The following UCHL3 variants were observed in gnomAD, a reference collection of about 807,000 sequenced individuals.
The protein encoded by UCHL3 is ubiquitin C-terminal hydrolase L3, also known as ubiquitin carboxyl-terminal hydrolase isozyme L3.
In UCHL3, 22 loss-of-function variants were observed where a neutral mutation model predicts 35.8. The ratio of observed to expected loss-of-function variants is 0.61; its 90% CI spans 0.44 to 0.88. UCHL3 has a LOEUF of 0.88. Ranked by LOEUF, UCHL3 falls within the 40% of genes least tolerant of loss-of-function variation. The probability of loss-of-function intolerance (pLI) is 0.00; values close to 1 mark genes in which losing one functional copy is unlikely to be tolerated. For missense variants in UCHL3, 229 were observed against 276.9 expected, an observed-to-expected ratio of 0.83 and a Z score of 1.23; for synonymous variants, 90 against 92.8, an observed-to-expected ratio of 0.97 and a Z score of 0.17.
At chr13:75,550,737 C>T (rs867299770) in intron 2 of UCHL3, among the ~76,000 whole-genome samples, 1,153 of 89,166 alleles carry the variant, frequency 0.013, 9 homozygotes, top group Middle Eastern at 0.032. Context: ...TTTTTTTTTT[C>T]ATTCTCAACA....
At chr13:75,594,886 A>G in intron 6 of UCHL3, 29 bp from the exon 7 acceptor site, 2 of 1,556,478 alleles carry the variant, frequency 1.3e-6, no homozygotes, top group Non-Finnish European at 8.8e-7. Context: ...ACTAATGTAT[A>G]TAATACCTAT....
intron 6 of UCHL3, among the ~76,000 whole-genome samples, chr13:75,576,510 A>C (rs2032029180): frequency 6.6e-6 from 1 of 151,478 alleles, no homozygotes; most frequent in Non-Finnish European, 1.5e-5. Flanking sequence ...GCGTGCCACC[A>C]CACCCAGCTA....
At chr13:75,585,211 C>T (rs927131937) in intron 6 of UCHL3, among the ~76,000 whole-genome samples, 3 of 152,068 alleles carry the variant, frequency 2.0e-5, no homozygotes, top group Non-Finnish European at 4.4e-5. Context: ...CTCCAAAAAA[C>T]AAACACACAT....
intron 7 of UCHL3, among the ~76,000 whole-genome samples, chr13:75,601,615 T>C (rs531584727): frequency 1.7e-4 from 26 of 152,308 alleles, no homozygotes; most frequent in East Asian, 7.7e-4. Flanking sequence ...GTATACCTAA[T>C]AGACTACAGA....
chr13:75,560,724 G>GC, intron 2 of UCHL3, 29 bp from the exon 3 acceptor site: 1 of 1,413,562 alleles, frequency 7.1e-7, no homozygotes, highest in African/African-American at 1.5e-5. Flanking sequence ...ATGTTCCATT[G>GC]TTTTTTTTTT....
intron 6 of UCHL3, among the ~76,000 whole-genome samples, chr13:75,588,417 G>C (rs1199710621): frequency 6.6e-6 from 1 of 150,484 alleles, no homozygotes; most frequent in Non-Finnish European, 1.5e-5. Flanking sequence ...TCTCTTTCCT[G>C]TTATTTGAAC....
chr13:75,555,948 A>C (rs2031280681), intron 2 of UCHL3, among the ~76,000 whole-genome samples: 1 of 152,172 alleles, frequency 6.6e-6, no homozygotes, highest in Non-Finnish European at 1.5e-5. Context: ...GATCATAGTA[A>C]TTTAAGTCCT....
At chr13:75,551,275 A>G (rs1407480312) in intron 2 of UCHL3, among the ~76,000 whole-genome samples, 1 of 152,066 alleles carries the variant, frequency 6.6e-6, no homozygotes, top group Non-Finnish European at 1.5e-5. Flanking sequence ...TGCTAAAAAT[A>G]CAAAAATTAG....
Position 75,594,965 on chromosome 13 carries a change from T to A in UCHL3, c.525T>A (p.His175Gln). The A allele has an allele frequency of 6.2e-7, 1 of 1,607,658 alleles. No homozygotes were observed. The highest frequency in any genetic ancestry group is 8.5e-7 in the Non-Finnish European group (1 of 1,178,440). The stretch of plus-strand genomic sequence containing the variant: ...ATCTTCATTTTATTGCATTAGTTCA[T>A]GTAGATGGGCATCTCTATGAATTAG... ...KVDLHFIALV[H>Q]VDGHLYELDG... Residue 175 changes from histidine to glutamine, a missense_variant, in exon 7 of 9, where the codon CAT (histidine) becomes CAA (glutamine). Transcript: ENST00000377595.
intron 6 of UCHL3, chr13:75,589,996 C>T (rs1260466393): frequency 7.7e-7 from 1 of 1,304,744 alleles, no homozygotes; most frequent in Non-Finnish European, 1.0e-6. Context: ...AAGGCCTCAT[C>T]ATTGTGTCAC....
intron 7 of UCHL3, 135 bp downstream of exon 7, chr13:75,595,125 C>T (rs1030547410): frequency 1.2e-4 from 78 of 656,388 alleles, no homozygotes; most frequent in Middle Eastern, 6.0e-4. Context: ...TTTGACATAG[C>T]GACAGTTTTC....
intron 6 of UCHL3, among the ~76,000 whole-genome samples, chr13:75,574,338 A>G (rs1176413803): frequency 1.3e-5 from 2 of 152,100 alleles, no homozygotes; most frequent in African/African-American, 4.8e-5. Flanking sequence ...AAAATAGTCA[A>G]TAATAAGTTT....
intron 6 of UCHL3, among the ~76,000 whole-genome samples, chr13:75,583,157 A>G (rs1249181000): frequency 6.6e-6 from 1 of 152,222 alleles, no homozygotes; most frequent in East Asian, 1.9e-4. Context: ...GTATGCTATC[A>G]TAGGAGCAGT....
intron 6 of UCHL3, among the ~76,000 whole-genome samples, chr13:75,580,424 A>G (rs1325792562): frequency 6.6e-6 from 1 of 152,218 alleles, no homozygotes; most frequent in South Asian, 2.1e-4. Context: ...GCATGCGCAC[A>G]CACATGTCCT....
At chr13:75,560,503 C>T (rs182769037) in intron 2 of UCHL3, among the ~76,000 whole-genome samples, 2 of 152,278 alleles carry the variant, frequency 1.3e-5, no homozygotes, top group African/African-American at 4.8e-5. Context: ...ATTCTGCCCC[C>T]CTAGTTTTAC....
intron 3 of UCHL3, among the ~76,000 whole-genome samples, chr13:75,564,451 A>C (rs1413492676): frequency 6.6e-6 from 1 of 151,950 alleles, no homozygotes; most frequent in Non-Finnish European, 1.5e-5. Context: ...CGCCTGGCCT[A>C]AAGTGCAGAT....
Position 75,595,009 on chromosome 13 carries a change from T to C in UCHL3, c.550+19T>C. ...GAATTAGGTAAGAACTATTTTAATT[T>C]GTCCTGGGGAGAGAAATGGTAAATG... On this transcript the variant is annotated intron_variant, in intron 7 of 8. Transcript: ENST00000377595. The C allele has an allele frequency of 6.4e-7, 1 of 1,552,376 alleles. No homozygotes were observed. Among genetic ancestry groups the C allele is most frequent in the Non-Finnish European group, 8.7e-7 (1 of 1,144,306 alleles).
At chr13:75,553,337 A>G (rs572098500) in intron 2 of UCHL3, among the ~76,000 whole-genome samples, 31 of 152,190 alleles carry the variant, frequency 2.0e-4, no homozygotes, top group East Asian at 7.7e-4. Context: ...TGTGTGTACC[A>G]TTTCGTAGTA....
intron 7 of UCHL3, among the ~76,000 whole-genome samples, chr13:75,599,949 T>C (rs913361913): frequency 6.6e-6 from 1 of 152,212 alleles, no homozygotes; most frequent in African/African-American, 2.4e-5. Flanking sequence ...GGAAAAGTTC[T>C]TGAAGGAAAT....
Sources: allele counts gnomAD v4.1 joint callset (sites outside exome capture counted in the v4.1 genomes callset), GRCh38; gene constraint gnomAD v4.1.1; transcripts MANE v1.5; gene names NCBI Gene and HGNC (gene_info 2026-07-23, HGNC 2026-07-21).